Variants in HSPB8 observed in about 807,000 individuals in gnomAD.
The protein encoded by HSPB8 is heat shock protein family B (small) member 8, also known as heat shock protein beta-8.
A neutral mutation model predicts 16.5 loss-of-function variants in HSPB8; 9 were observed. The observed-to-expected ratio is 0.55, with a 90% CI of 0.33 to 0.95. The LOEUF (loss-of-function observed/expected upper bound fraction) is 0.95, where lower values mean the gene tolerates loss of function less well. Among genes scored for constraint, HSPB8 ranks in the 40% least tolerant of loss-of-function variants. The pLI, the probability that HSPB8 is intolerant of heterozygous loss-of-function variation, is 0.03. For synonymous variants in HSPB8, 99 were observed against 94.8 expected (o/e 1.04, Z -0.26); for missense variants, 238 against 251.2 (o/e 0.95, Z 0.35).
Position 119,179,689 on chromosome 12 carries a change from G to A in HSPB8, c.367+10G>A, listed in dbSNP as rs369698492. 1 of 1,564,926 alleles carries A rather than the reference G, an allele frequency of 6.4e-7. No homozygotes were observed. Among genetic ancestry groups the A allele is most frequent in the South Asian group, 1.2e-5 (1 of 81,062 alleles). On this transcript the variant is annotated intron_variant, in intron 1 of 2. Coordinates refer to ENST00000281938, the MANE Select transcript of HSPB8 (RefSeq NM_014365.3). ...TACGTGGAGGTGTCTGGTAAGTCAGGGGCAGGAGGGAGAGAGAATGGGGAG... is the reference window on the plus strand; with the variant it reads ...TACGTGGAGGTGTCTGGTAAGTCAGAGGCAGGAGGGAGAGAGAATGGGGAG...
chr12:119,182,553 G>A (rs556736581), intron 1 of HSPB8, among the ~76,000 whole-genome samples: 3 of 152,262 alleles, frequency 2.0e-5, no homozygotes, highest in Non-Finnish European at 2.9e-5. Flanking sequence ...CAGGAGAATC[G>A]CTTGAACCTG....
At chr12:119,184,276 T>A (rs1158915606) in intron 1 of HSPB8, among the ~76,000 whole-genome samples, 1 of 152,252 alleles carries the variant, frequency 6.6e-6, no homozygotes, top group Non-Finnish European at 1.5e-5. Flanking sequence ...TATTTAAGGT[T>A]GTTGCAAAAA....
In HSPB8 at chr12:119,179,672, G is replaced by T; in HGVS notation, c.360G>T (p.Glu120Asp). The change falls in exon 1 of 3, where the codon GAG becomes GAT. Residue 120 changes from glutamate to aspartate, a missense_variant. By Grantham distance (45) the Glu-to-Asp change is conservative. Transcript: ENST00000281938. ...LMVKTKDGYV[E>D]VSGKHEEKQQ... is the part of the protein sequence containing the mutation. ...TGAAGACCAAAGATGGATACGTGGA[G>T]GTGTCTGGTAAGTCAGGGGCAGGAG... The T allele has an allele frequency of 6.3e-7, 1 of 1,579,948 alleles. No individual in the cohort carries two copies.
intron 1 of HSPB8, chr12:119,182,244 G>A (rs561155589): frequency 3.3e-5 from 5 of 152,342 alleles, no homozygotes; most frequent in African/African-American, 1.2e-4. Context: ...CATGCAATTA[G>A]TGACATCGGC....
At chr12:119,186,998 G>A in intron 1 of HSPB8, 27 bp from the exon 2 acceptor site, 1 of 1,612,038 alleles carries the variant, frequency 6.2e-7, no homozygotes. Context: ...CATAGATGCT[G>A]ACACGCCACA....
At position 119,194,590 on chromosome 12, in the gene HSPB8, A is replaced by G. The variant is rs1372428426; in HGVS notation, c.*732A>G. On this transcript the variant is annotated 3_prime_UTR_variant, in exon 3 of 3. Transcript: ENST00000281938. ...CTCCAGACAGCTCCATCAGGAACCA[A>G]GCAAAGGCCAGATAGCCTGACAGAT... The G allele has an allele frequency of 6.0e-6, 1 of 166,448 alleles. No homozygotes were observed. The highest frequency in any genetic ancestry group is 2.4e-5 in the African/African-American group (1 of 41,978). The allele number at this position is 166,448 out of a possible 1,614,324, so 10.3% of individuals were successfully genotyped here. A position where few individuals can be genotyped will look rare whatever the true frequency, so the allele number is the denominator to read the frequency against.
At chr12:119,189,501 G>A (rs537848229) in intron 2 of HSPB8, among the ~76,000 whole-genome samples, 147 of 152,164 alleles carry the variant, frequency 9.7e-4, no homozygotes, top group Non-Finnish European at 1.8e-3. Context: ...GACCAGTTTC[G>A]TAGAAGGCAA....
intron 1 of HSPB8, among the ~76,000 whole-genome samples, chr12:119,181,104 T>C (rs1954633947): frequency 6.6e-6 from 1 of 152,178 alleles, no homozygotes; most frequent in Non-Finnish European, 1.5e-5. Context: ...GATTGTTGTT[T>C]TAAGTGAGGT....
intron 2 of HSPB8, among the ~76,000 whole-genome samples, chr12:119,187,686 T>G (rs891413842): frequency 7.2e-5 from 11 of 152,126 alleles, no homozygotes. Context: ...ACTAAGCATC[T>G]GAGGGTAAGC....
At position 119,187,592 on chromosome 12, in the gene HSPB8, A is replaced by G. The variant is rs565452031; in HGVS notation, c.431+504A>G. Among the ~76,000 whole-genome samples the G allele has an allele frequency of 7.9e-5, 12 of 152,288 alleles. 1 individual carries two copies. Among genetic ancestry groups the G allele is most frequent in the African/African-American group, 2.9e-4 (12 of 41,556 alleles). On this transcript the variant is annotated intron_variant, in intron 2 of 2. Transcript: ENST00000281938. The stretch of plus-strand genomic sequence containing the variant: ...ACACTGGTCTTGAACTCCTGGGCTC[A>G]AGCGATCCACCCACCTCAGCCTCTC...
chr12:119,188,754 A>G (rs1954692723), intron 2 of HSPB8, among the ~76,000 whole-genome samples: 1 of 152,226 alleles, frequency 6.6e-6, no homozygotes, highest in Non-Finnish European at 1.5e-5. Flanking sequence ...TGGGCAAGGA[A>G]TGCTGTTTCC....
chr12:119,193,938 C>T lies in HSPB8; in HGVS notation c.*80C>T. The T allele has an allele frequency of 6.7e-7, 1 of 1,494,034 alleles. No individual in the cohort carries two copies. The highest frequency in any genetic ancestry group is 9.3e-7 in the Non-Finnish European group (1 of 1,072,756). The allele number at this position is 1,494,034 out of a possible 1,614,324, so 92.5% of individuals were successfully genotyped here. ...TCCAGGATACATTACTTTAGCTGAA[C>T]TCAGATTTAGTGCAAGTAAAATGTT... On this transcript the variant is annotated 3_prime_UTR_variant, in exon 3 of 3. Transcript: ENST00000281938.
chr12:119,186,761 T>C, intron 1 of HSPB8: 1 of 480,952 alleles, frequency 2.1e-6, no homozygotes, highest in South Asian at 2.1e-5. Context: ...TTCCTCAGAC[T>C]AACCCTTAAT....
intron 1 of HSPB8, among the ~76,000 whole-genome samples, chr12:119,185,089 T>G (rs1954666297): frequency 6.6e-6 from 1 of 152,036 alleles, no homozygotes; most frequent in East Asian, 1.9e-4. Flanking sequence ...ATTAATAGCT[T>G]CCGTGGGGTG....
intron 2 of HSPB8, among the ~76,000 whole-genome samples, chr12:119,192,849 T>C (rs954291067): frequency 6.6e-6 from 1 of 152,064 alleles, no homozygotes; most frequent in African/African-American, 2.4e-5. Context: ...AGGCACGTCT[T>C]ACATGGCAGC....
In HSPB8 at chr12:119,194,728, A is replaced by AAT. The variant is rs1851237771; in HGVS notation, c.*871_*872insTA. On this transcript the variant is annotated 3_prime_UTR_variant, in exon 3 of 3. Transcript: ENST00000281938. ...AATTAATAATAATAATAATAATAAT[A>AAT]AAGGAGCTGACGTTCTTAGCCTTGT... The AAT allele has an allele frequency of 5.2e-6, 2 of 384,272 alleles. No individual in the cohort carries two copies. The highest frequency in any genetic ancestry group is 2.1e-5 in the African/African-American group (1 of 46,950). The allele number at this position is 384,272 out of a possible 1,614,324, so 23.8% of individuals were successfully genotyped here. A position where few individuals can be genotyped will look rare whatever the true frequency, so the allele number is the denominator to read the frequency against.
At chr12:119,179,713 A>G in intron 1 of HSPB8, 34 bp downstream of exon 1, 1 of 1,544,952 alleles carries the variant, frequency 6.5e-7, no homozygotes, top group South Asian at 1.3e-5. Context: ...GAGAATGGGG[A>G]GGCCGGGATG....
intron 1 of HSPB8, among the ~76,000 whole-genome samples, chr12:119,181,876 G>A (rs1424730966): frequency 6.6e-6 from 1 of 152,198 alleles, no homozygotes; most frequent in Non-Finnish European, 1.5e-5. Flanking sequence ...AATATATGCG[G>A]AGTGTCTATA....
chr12:119,189,098 G>T (rs1954694886), intron 2 of HSPB8, among the ~76,000 whole-genome samples: 1 of 152,132 alleles, frequency 6.6e-6, no homozygotes, highest in Admixed American at 6.6e-5. Context: ...CTTCGTGTTT[G>T]CTGGCTTGCC....
Sources: allele counts gnomAD v4.1 joint callset (sites outside exome capture counted in the v4.1 genomes callset), GRCh38; gene constraint gnomAD v4.1.1; transcripts MANE v1.5; gene names NCBI Gene and HGNC (gene_info 2026-07-23, HGNC 2026-07-21).